KSR2: variants seen among roughly 807,000 people sequenced by gnomAD.
The protein encoded by KSR2 is kinase suppressor of ras 2.
In KSR2, 25 loss-of-function variants were observed where a neutral mutation model predicts 107.8. The ratio of observed to expected loss-of-function variants is 0.23; its 90% CI spans 0.17 to 0.32. The LOEUF is 0.32. Ranked by LOEUF, KSR2 falls within the 10% of genes least tolerant of loss-of-function variation. KSR2 has a pLI of 1.00. For missense variants in KSR2, 887 were observed against 1,268.9 expected, an observed-to-expected ratio of 0.70 and a Z score of 4.57; for synonymous variants, 480 against 507.0, an observed-to-expected ratio of 0.95 and a Z score of 0.71.
chr12:117,483,692 T>A (rs1288392796), intron 16 of KSR2, among the ~76,000 whole-genome samples: 1 of 152,094 alleles, frequency 6.6e-6, no homozygotes, highest in African/African-American at 2.4e-5. Flanking sequence ...CTAGGGTGAG[T>A]AGTGGCTGAG....
chr12:117,838,312 C>T (rs1250348686), intron 3 of KSR2, among the ~76,000 whole-genome samples: 3 of 152,170 alleles, frequency 2.0e-5, no homozygotes, highest in East Asian at 1.9e-4. Flanking sequence ...GGATTACAGG[C>T]GCACACCACC....
intron 12 of KSR2, among the ~76,000 whole-genome samples, chr12:117,529,771 G>A (rs1305832151): frequency 1.3e-5 from 2 of 152,092 alleles, no homozygotes; most frequent in East Asian, 3.9e-4. Context: ...GGGAGGCTGA[G>A]GTGGAATGAT....
At chr12:117,804,838 C>A (rs943326141) in intron 3 of KSR2, among the ~76,000 whole-genome samples, 25 of 152,178 alleles carry the variant, frequency 1.6e-4, no homozygotes, top group African/African-American at 6.0e-4. Flanking sequence ...CCTCTCATTA[C>A]AGAACAATTC....
intron 4 of KSR2, among the ~76,000 whole-genome samples, chr12:117,703,109 CAG>C (rs142282844): frequency 1.9e-3 from 276 of 148,114 alleles, no homozygotes; most frequent in Middle Eastern, 3.5e-3. Context: ...AAACCAGGGT[CAG>C]AGAGAGAGAG....
chr12:117,898,758 A>G (rs1894594198), intron 1 of KSR2, among the ~76,000 whole-genome samples: 1 of 152,212 alleles, frequency 6.6e-6, no homozygotes. Context: ...AAAAAAAAGA[A>G]TGAGATCCAG....
intron 4 of KSR2, among the ~76,000 whole-genome samples, chr12:117,723,400 T>C (rs1367267254): frequency 6.6e-6 from 1 of 152,196 alleles, no homozygotes. Context: ...AGTCACTGAA[T>C]TTAAGCCTCA....
chr12:117,826,848 G>T (rs1333644074), intron 3 of KSR2, among the ~76,000 whole-genome samples: 1 of 152,020 alleles, frequency 6.6e-6, no homozygotes, highest in Non-Finnish European at 1.5e-5. Context: ...AATTTGGGAG[G>T]CCAAGGTGGG....
chr12:117,527,001 A>ACGTCAGT, intron 13 of KSR2, 70 bp downstream of exon 13: 2 of 1,331,416 alleles, frequency 1.5e-6, no homozygotes, highest in East Asian at 2.3e-5. Context: ...GTCATCCAAA[A>ACGTCAGT]CGTCAGTCGG....
chr12:117,596,310 T>C (rs1880643447), intron 5 of KSR2, among the ~76,000 whole-genome samples: 2 of 152,146 alleles, frequency 1.3e-5, no homozygotes. Flanking sequence ...AGCAAGGGAA[T>C]GATCTGCCCC....
At chr12:117,547,164 G>T (rs1228209160) in intron 9 of KSR2, among the ~76,000 whole-genome samples, 4 of 152,176 alleles carry the variant, frequency 2.6e-5, no homozygotes, top group African/African-American at 9.6e-5. Flanking sequence ...AGCAGAGAAA[G>T]GGGAGGTACT....
intron 3 of KSR2, among the ~76,000 whole-genome samples, chr12:117,775,274 G>C (rs1292979963): frequency 6.6e-6 from 1 of 152,086 alleles, no homozygotes; most frequent in Non-Finnish European, 1.5e-5. Flanking sequence ...TTCCCACCCA[G>C]CAACATATAA....
chr12:117,844,526 G>A (rs1289703045), intron 3 of KSR2, among the ~76,000 whole-genome samples: 1 of 151,494 alleles, frequency 6.6e-6, no homozygotes, highest in African/African-American at 2.4e-5. Context: ...AGTTGGCAGT[G>A]GGCTAAAATT....
chr12:117,753,484 A>G (rs1302017326), intron 4 of KSR2, among the ~76,000 whole-genome samples: 1 of 152,222 alleles, frequency 6.6e-6, no homozygotes, highest in Non-Finnish European at 1.5e-5. Flanking sequence ...ACACAGCCAT[A>G]AAATAGAACA....
intron 1 of KSR2, among the ~76,000 whole-genome samples, chr12:117,956,363 T>C (rs111699489): frequency 0.019 from 2,811 of 148,750 alleles, 89 homozygotes; most frequent in African/African-American, 0.066. Context: ...AGCCCAGGAG[T>C]TGGAGACCAG....
chr12:117,493,075 G>C (rs548847467), intron 14 of KSR2, among the ~76,000 whole-genome samples: 2 of 152,212 alleles, frequency 1.3e-5, no homozygotes, highest in East Asian at 1.9e-4. Flanking sequence ...GTGCTGCCTC[G>C]TGAGCAGATG....
intron 4 of KSR2, among the ~76,000 whole-genome samples, chr12:117,682,781 A>C (rs1448275353): frequency 3.3e-5 from 5 of 152,154 alleles, no homozygotes; most frequent in Non-Finnish European, 5.9e-5. Context: ...AAAGTTGACC[A>C]ACAAGAATGG....
Position 117,579,343 on chromosome 12 carries a change from T to C in KSR2, c.1242-141A>G. Reference sequence around the variant, plus strand: ...TTTCGAGCTGTGTGACTTAATCAAGTTGCTTAAACCACTGGAACCTCAGTT... The same window carrying C: ...TTTCGAGCTGTGTGACTTAATCAAGCTGCTTAAACCACTGGAACCTCAGTT... On this transcript the variant is annotated intron_variant, in intron 6 of 19. Transcript: ENST00000339824. 5.8e-6 allele frequency: 4 copies of C among 686,726 alleles called. No homozygotes were observed. The Admixed American group carries it at 8.7e-5, about 15-fold the overall frequency. 42.5% of individuals were successfully genotyped at this position (686,726 alleles called of 1,614,324 possible).
intron 5 of KSR2, among the ~76,000 whole-genome samples, chr12:117,590,362 G>C (rs1880247682): frequency 6.6e-6 from 1 of 152,144 alleles, no homozygotes; most frequent in Non-Finnish European, 1.5e-5. Flanking sequence ...GCTTTGACGT[G>C]AGCACACCTG....
chr12:117,527,344 CACAG>C lies in KSR2; in HGVS notation c.1803-229_1803-226del, dbSNP rs1565884951. 6.5e-4 allele frequency among the ~76,000 whole-genome samples: 86 copies of C among 131,988 alleles called. 1 individual carries two copies. The highest frequency in any genetic ancestry group is 2.7e-3 in the African/African-American group (79 of 29,016). The allele number at this position is 131,988 out of a possible 152,430, so 86.6% of individuals were successfully genotyped here. On this transcript the variant is annotated intron_variant, in intron 12 of 19. Coordinates refer to ENST00000339824, the MANE Select transcript of KSR2 (RefSeq NM_173598.6). The stretch of plus-strand genomic sequence containing the variant: ...ACACACAGACACACACACACACACA[CACAG>C]ACACACACACACACACACAACACAG...
Sources: allele counts gnomAD v4.1 joint callset (sites outside exome capture counted in the v4.1 genomes callset), GRCh38; gene constraint gnomAD v4.1.1; transcripts MANE v1.5; gene names NCBI Gene and HGNC (gene_info 2026-07-23, HGNC 2026-07-21).